The following BCAR3 variants were observed in gnomAD, a reference collection of about 807,000 sequenced individuals.
The protein encoded by BCAR3 is BCAR3 adaptor protein, NSP family member, also known as breast cancer anti-estrogen resistance protein 3.
Under a neutral mutation model 80.1 loss-of-function variants are expected in BCAR3, and 37 were observed. The ratio of observed to expected loss-of-function variants is 0.46; its 90% CI spans 0.36 to 0.61. BCAR3 has a LOEUF of 0.61. BCAR3 is among the 20% of genes least tolerant of loss of function. The pLI is 0.00. For missense variants in BCAR3, 978 were observed against 1,068.2 expected (o/e 0.92, Z 1.18); for synonymous variants, 389 against 418.9 (o/e 0.93, Z 0.87).
chr1:93,737,304 G>C (rs1651006108), intron 2 of BCAR3, among the ~76,000 whole-genome samples: 1 of 152,180 alleles, frequency 6.6e-6, no homozygotes, highest in Non-Finnish European at 1.5e-5. Flanking sequence ...TTTGGAAATA[G>C]GGTCTTTTGC....
At chr1:93,699,598 A>G (rs1322455148) in intron 3 of BCAR3, among the ~76,000 whole-genome samples, 1 of 152,102 alleles carries the variant, frequency 6.6e-6, no homozygotes, top group African/African-American at 2.4e-5. Flanking sequence ...TCTTGTTTTT[A>G]AACTCCAGCA....
At chr1:93,732,315 G>A (rs888250006) in intron 2 of BCAR3, among the ~76,000 whole-genome samples, 1 of 152,126 alleles carries the variant, frequency 6.6e-6, no homozygotes, top group Non-Finnish European at 1.5e-5. Flanking sequence ...AATGAAAGAG[G>A]TTTGAAATGG....
chr1:93,637,257 C>T (rs1015419920), intron 3 of BCAR3, among the ~76,000 whole-genome samples: 1 of 151,966 alleles, frequency 6.6e-6, no homozygotes, highest in African/African-American at 2.4e-5. Context: ...GCAACCTCCG[C>T]CCCCCAGGTT....
chr1:93,584,005 C>T lies in BCAR3; in HGVS notation c.1033+13G>A, dbSNP rs745619785. 1 of 1,612,084 alleles carries T rather than the reference C, an allele frequency of 6.2e-7. No homozygotes were observed. Among genetic ancestry groups the T allele is most frequent in the South Asian group, 1.1e-5 (1 of 90,946 alleles). ...AACACTGACGTTCTCCCTGAAAATT[C>T]CCCGAAACATACCAATCGGCAGGTA... On this transcript the variant is annotated intron_variant, in intron 6 of 11. Transcript: ENST00000260502.
intron 3 of BCAR3, among the ~76,000 whole-genome samples, chr1:93,594,009 A>T (rs932445114): frequency 3.9e-5 from 6 of 152,174 alleles, no homozygotes; most frequent in African/African-American, 1.2e-4. Flanking sequence ...GTGATGTTTG[A>T]CACCGTCCGC....
intron 2 of BCAR3, chr1:93,775,278 A>T (rs1652505213): frequency 6.6e-6 from 1 of 152,234 alleles, no homozygotes; most frequent in Non-Finnish European, 1.5e-5. Context: ...GAGGGGATTC[A>T]AGGGTGTATC....
intron 2 of BCAR3, among the ~76,000 whole-genome samples, chr1:93,671,192 G>A (rs1157716120): frequency 5.9e-5 from 9 of 151,918 alleles, no homozygotes; most frequent in East Asian, 1.9e-4. Context: ...ATGGGGTTTC[G>A]TCATGTTGGC....
chr1:93,643,037 G>A (rs551149944), intron 2 of BCAR3, among the ~76,000 whole-genome samples: 16 of 152,024 alleles, frequency 1.1e-4, no homozygotes, highest in African/African-American at 3.6e-4. Flanking sequence ...AGACCAGCCC[G>A]ACCAGCATGG....
chr1:93,772,706 G>A (rs1652402142), intron 2 of BCAR3, among the ~76,000 whole-genome samples: 2 of 152,106 alleles, frequency 1.3e-5, no homozygotes, highest in Non-Finnish European at 2.9e-5. Flanking sequence ...CCGGGTTTAA[G>A]CAATTCTCCT....
intron 3 of BCAR3, among the ~76,000 whole-genome samples, chr1:93,696,030 T>C (rs1434890494): frequency 2.0e-5 from 3 of 151,282 alleles, no homozygotes; most frequent in African/African-American, 7.3e-5. Flanking sequence ...TGCAACCTGC[T>C]ACTGCTTCTC....
At chr1:93,704,613 G>A (rs559921995) in intron 3 of BCAR3, among the ~76,000 whole-genome samples, 14 of 152,300 alleles carry the variant, frequency 9.2e-5, no homozygotes, top group African/African-American at 3.1e-4. Context: ...AATGCCCTGT[G>A]AGGAGTGTGG....
At chr1:93,610,637 ATATAG>A (rs1173114395) in intron 3 of BCAR3, among the ~76,000 whole-genome samples, 2 of 152,150 alleles carry the variant, frequency 1.3e-5, no homozygotes, top group Non-Finnish European at 2.9e-5. Flanking sequence ...AATTGTCTTA[ATATAG>A]TACAGTAGAA....
At chr1:93,686,015 T>C (rs1648961983), upstream of BCAR3, among the ~76,000 whole-genome samples, 1 of 152,178 alleles carries the variant, frequency 6.6e-6, no homozygotes, top group African/African-American at 2.4e-5. Context: ...AGTTTAGCTC[T>C]TTGTGCTATG....
chr1:93,562,625 G>A (rs1031021548), intron 11 of BCAR3, among the ~76,000 whole-genome samples: 2 of 151,844 alleles, frequency 1.3e-5, no homozygotes, highest in African/African-American at 2.4e-5. Context: ...CAAAAAATTA[G>A]CCAGGCGTGG....
At chr1:93,604,972 T>A (rs887176514) in intron 3 of BCAR3, among the ~76,000 whole-genome samples, 3 of 152,218 alleles carry the variant, frequency 2.0e-5, no homozygotes, top group African/African-American at 7.2e-5. Context: ...ATCATTTACC[T>A]ACAGCCTCAC....
At chr1:93,789,588 C>A (rs1653070776) in intron 2 of BCAR3, among the ~76,000 whole-genome samples, 1 of 152,182 alleles carries the variant, frequency 6.6e-6, no homozygotes, top group South Asian at 2.1e-4. Flanking sequence ...GTGGGAAGAC[C>A]AAATAATAAG....
chr1:93,771,607 T>C (rs1316799836), intron 2 of BCAR3, among the ~76,000 whole-genome samples: 1 of 152,236 alleles, frequency 6.6e-6, no homozygotes, highest in Non-Finnish European at 1.5e-5. Context: ...AAATAAGTCA[T>C]AAGTTAGAAT....
upstream of BCAR3, among the ~76,000 whole-genome samples, chr1:93,682,322 C>T (rs1279737312): frequency 6.6e-6 from 1 of 152,098 alleles, no homozygotes; most frequent in African/African-American, 2.4e-5. Flanking sequence ...AAAATTGGAG[C>T]CCACTGGAAA....
chr1:93,687,538 C>T (rs150814302), intron 3 of BCAR3, among the ~76,000 whole-genome samples: 7,001 of 152,266 alleles, frequency 0.046, 273 homozygotes, highest in African/African-American at 0.096. Context: ...AACTCCTGAC[C>T]TCAAATGATC....
Sources: gnomAD v4.1 joint callset for allele counts (sites outside exome capture counted in the v4.1 genomes callset) on GRCh38, gnomAD v4.1.1 for gene constraint, MANE v1.5 for transcripts, NCBI Gene and HGNC (gene_info 2026-07-23, HGNC 2026-07-21) for gene names.